FLT1: variants seen among roughly 807,000 people sequenced by gnomAD.
FLT1 encodes vascular endothelial growth factor receptor 1.
A neutral mutation model predicts 156.3 loss-of-function variants in FLT1; 49 were observed. That is an observed-to-expected ratio of 0.31 (90% confidence interval 0.25 to 0.40). The LOEUF is 0.40. Among genes scored for constraint, FLT1 ranks in the 10% least tolerant of loss-of-function variants. The pLI is 1.00. For synonymous variants in FLT1, 594 were observed against 583.8 expected (o/e 1.02, Z -0.25); for missense variants, 1,322 against 1,637.2 (o/e 0.81, Z 3.32).
chr13:28,380,747 T>A (rs1019971308), intron 14 of FLT1, among the ~76,000 whole-genome samples: 5 of 152,154 alleles, frequency 3.3e-5, no homozygotes, highest in Non-Finnish European at 7.4e-5. Context: ...TTTGAGCTTA[T>A]TAATTAACTC....
chr13:28,426,130 C>CTTTT (rs113958200), intron 10 of FLT1, among the ~76,000 whole-genome samples: 10 of 131,120 alleles, frequency 7.6e-5, no homozygotes, highest in African/African-American at 2.0e-4. Context: ...TCCTGTCAAT[C>CTTTT]TTTTTTTTTT....
chr13:28,386,719 T>C (rs1279280471), intron 13 of FLT1: 12 of 1,055,546 alleles, frequency 1.1e-5, no homozygotes, highest in Non-Finnish European at 1.3e-5. Flanking sequence ...CATTACAATT[T>C]TGACATTTTT....
At chr13:28,410,435 T>C (rs1287678726) in intron 10 of FLT1, among the ~76,000 whole-genome samples, 1 of 152,248 alleles carries the variant, frequency 6.6e-6, no homozygotes, top group Non-Finnish European at 1.5e-5. Flanking sequence ...CCCATCTGTT[T>C]AGTGCCTGTT....
At position 28,334,018 on chromosome 13, in the gene FLT1, T is replaced by C; in HGVS notation, c.2593+7A>G. 6.4e-7 allele frequency: 1 copy of C among 1,572,630 alleles called. No individual in the cohort carries two copies. Among genetic ancestry groups the C allele is most frequent in the Non-Finnish European group, 8.8e-7 (1 of 1,142,068 alleles). On this transcript the variant is annotated splice_region_variant and intron_variant, in intron 18 of 29. Transcript: ENST00000282397. ...GTCAGTTGAAAGCCAAACTACAGCA[T>C]ACATACCTTTCAGCATTTTCACAGC...
chr13:28,364,694 T>G (rs1447900628), intron 14 of FLT1, among the ~76,000 whole-genome samples: 1 of 152,190 alleles, frequency 6.6e-6, no homozygotes, highest in Non-Finnish European at 1.5e-5. Flanking sequence ...CTTTTACCAC[T>G]AAGTCGTTGT....
In FLT1 at chr13:28,389,909, A is replaced by AGAGTGATGGAGTGCTCCT; in HGVS notation, c.1838_1855dup (p.Thr618_Leu619insGlnGluHisSerIleThr). The AGAGTGATGGAGTGCTCCT allele has an allele frequency of 6.2e-7, 1 of 1,614,202 alleles. No individual in the cohort carries two copies. The highest frequency in any genetic ancestry group is 8.5e-7 in the Non-Finnish European group (1 of 1,180,036). On this transcript the variant is annotated inframe_insertion, in exon 13 of 30. Transcript: ENST00000282397. ...GGAAACATTCATGATGGTAAGATTAAGAGTGATGGAGTGCTCCTTAGTGAT... is the reference window on the plus strand; with the variant it reads ...GGAAACATTCATGATGGTAAGATTAAGAGTGATGGAGTGCTCCTGAGTGATGGAGTGCTCCTTAGTGAT...
intron 17 of FLT1, among the ~76,000 whole-genome samples, chr13:28,338,626 G>A (rs1334462504): frequency 1.3e-5 from 2 of 152,128 alleles, no homozygotes; most frequent in African/African-American, 4.8e-5. Context: ...GACATTCCCA[G>A]GAAAATCAAA....
At chr13:28,451,921 G>C (rs942965681) in intron 3 of FLT1, among the ~76,000 whole-genome samples, 1 of 152,220 alleles carries the variant, frequency 6.6e-6, no homozygotes, top group African/African-American at 2.4e-5. Flanking sequence ...CTGGGAACGT[G>C]AGCCCATGCC....
In FLT1 at chr13:28,322,610, C is replaced by G; in HGVS notation, c.2953+180G>C. ...CCTGAGGGGAGAAAACGGTACAGTT[C>G]CCTGTCAAAATTAGTAACTCTGTAA... On this transcript the variant is annotated intron_variant, in intron 21 of 29. Coordinates refer to ENST00000282397, the MANE Select transcript of FLT1 (RefSeq NM_002019.4). This position sits in a 1 kb window ranked among gnomAD's most constrained non-coding sequence, Gnocchi z 4.3. The G allele has an allele frequency of 2.7e-6, 2 of 735,852 alleles. No homozygotes were observed. The highest frequency in any genetic ancestry group is 4.7e-6 in the Non-Finnish European group (2 of 421,362). 45.6% of individuals were successfully genotyped at this position (735,852 alleles called of 1,614,324 possible). A position where few individuals can be genotyped will look rare whatever the true frequency, so the allele number is the denominator to read the frequency against.
chr13:28,324,140 T>C (rs936993453), intron 20 of FLT1, among the ~76,000 whole-genome samples: 1 of 152,204 alleles, frequency 6.6e-6, no homozygotes. Context: ...AGATTTTTAT[T>C]GCCTTTTGTA....
intron 20 of FLT1, among the ~76,000 whole-genome samples, chr13:28,324,196 G>A (rs548464765): frequency 4.1e-4 from 63 of 152,084 alleles, no homozygotes; most frequent in Non-Finnish European, 7.6e-4. Context: ...ACTTTCAGTG[G>A]CTTTATAACA....
At chr13:28,449,144 A>AT (rs1354213020) in intron 3 of FLT1, among the ~76,000 whole-genome samples, 1 of 152,194 alleles carries the variant, frequency 6.6e-6, no homozygotes, top group African/African-American at 2.4e-5. Flanking sequence ...TTAGCTGGGC[A>AT]TGGTGGTACA....
intron 1 of FLT1, among the ~76,000 whole-genome samples, chr13:28,483,597 A>G (rs1593846507): frequency 6.6e-6 from 1 of 152,202 alleles, no homozygotes; most frequent in African/African-American, 2.4e-5. Context: ...AGGTCAAGAA[A>G]GAAGAAGGAA....
intron 24 of FLT1, 34 bp downstream of exon 24, chr13:28,319,389 G>A: frequency 7.6e-7 from 1 of 1,317,594 alleles, no homozygotes; most frequent in Non-Finnish European, 1.1e-6. Context: ...ATTTATTTCT[G>A]GGCTGTTTGA....
intron 8 of FLT1, among the ~76,000 whole-genome samples, chr13:28,428,169 A>C (rs1877460573): frequency 6.6e-6 from 1 of 152,230 alleles, no homozygotes; most frequent in Non-Finnish European, 1.5e-5. Context: ...GCAGTAGCTT[A>C]GTGTGCCCAC....
At position 28,321,493 on chromosome 13, in the gene FLT1, A is replaced by G; in HGVS notation, c.3144T>C (p.Tyr1048=). 6.2e-7 allele frequency: 1 copy of G among 1,614,202 alleles called. No individual in the cohort carries two copies. Among genetic ancestry groups the G allele is most frequent in the Non-Finnish European group, 8.5e-7 (1 of 1,180,008 alleles). The change falls in exon 23 of 30, where the codon TAT becomes TAC. Residue 1048 remains tyrosine, a synonymous_variant. Coordinates refer to ENST00000282397, the MANE Select transcript of FLT1 (RefSeq NM_002019.4). ...ICDFGLARDI[Y]KNPDYVRKGD... is the part of the protein sequence containing the mutation. ...CTTTTCTCACATAATCGGGGTTCTT[A>G]TAAATATCCCGGGCAAGGCCAAAAT...
intron 12 of FLT1, among the ~76,000 whole-genome samples, chr13:28,391,239 T>C (rs1236362567): frequency 1.3e-5 from 2 of 152,176 alleles, no homozygotes; most frequent in Non-Finnish European, 2.9e-5. Flanking sequence ...AGCCATTTTC[T>C]CCAATGTCGA....
At chr13:28,456,848 T>G (rs989274695) in intron 3 of FLT1, among the ~76,000 whole-genome samples, 8 of 151,338 alleles carry the variant, frequency 5.3e-5, no homozygotes, top group African/African-American at 1.9e-4. Flanking sequence ...GGGGTTGGGA[T>G]TAAGGAAAGG....
intron 3 of FLT1, among the ~76,000 whole-genome samples, chr13:28,440,045 T>C (rs1022001008): frequency 1.3e-5 from 2 of 152,120 alleles, no homozygotes; most frequent in African/African-American, 2.4e-5. Context: ...CTGGCACCTA[T>C]ATGTTAATTA....
Sources: allele counts gnomAD v4.1 joint callset (sites outside exome capture counted in the v4.1 genomes callset), GRCh38; gene constraint gnomAD v4.1.1; non-coding constraint Gnocchi (gnomAD v3.1); transcripts MANE v1.5; gene names NCBI Gene and HGNC (gene_info 2026-07-23, HGNC 2026-07-21).